PTPRT: variants seen among roughly 807,000 people sequenced by gnomAD.
PTPRT encodes the protein receptor-type tyrosine-protein phosphatase T.
A neutral mutation model predicts 176.8 loss-of-function variants in PTPRT; 56 were observed. The observed-to-expected ratio is 0.32, with a 90% CI of 0.26 to 0.40. PTPRT has a LOEUF of 0.40. Ranked by LOEUF, PTPRT falls within the 10% of genes least tolerant of loss-of-function variation. The probability of loss-of-function intolerance (pLI) is 1.00; values close to 1 mark genes in which losing one functional copy is unlikely to be tolerated. For synonymous variants in PTPRT, 783 were observed against 739.0 expected, an observed-to-expected ratio of 1.06 and a Z score of -0.96; for missense variants, 1,540 against 1,908.2, an observed-to-expected ratio of 0.81 and a Z score of 3.60.
intron 1 of PTPRT, among the ~76,000 whole-genome samples, chr20:43,154,371 T>C (rs774266269): frequency 1.2e-4 from 18 of 152,198 alleles, no homozygotes; most frequent in Non-Finnish European, 2.2e-4. Context: ...TCTCTTCCAT[T>C]GGTTTATGTG....
intron 7 of PTPRT, among the ~76,000 whole-genome samples, chr20:42,592,256 T>C (rs2073593432): frequency 6.6e-6 from 1 of 152,080 alleles, no homozygotes; most frequent in Non-Finnish European, 1.5e-5. Flanking sequence ...ATTACAGGCA[T>C]GAGCCACCGC....
intron 11 of PTPRT, among the ~76,000 whole-genome samples, chr20:42,316,501 C>T (rs551259517): frequency 1.3e-5 from 2 of 152,334 alleles, no homozygotes; most frequent in East Asian, 3.9e-4. Flanking sequence ...GTCTCTTTGC[C>T]TCTAAGGCAC....
intron 7 of PTPRT, among the ~76,000 whole-genome samples, chr20:42,574,631 C>T (rs2073223354): frequency 6.6e-6 from 1 of 151,854 alleles, no homozygotes; most frequent in Admixed American, 6.6e-5. Context: ...GGAGCAGGCT[C>T]GGGTGGACAG....
chr20:42,998,687 T>C (rs1193760740), intron 1 of PTPRT, among the ~76,000 whole-genome samples: 1 of 152,220 alleles, frequency 6.6e-6, no homozygotes, highest in Non-Finnish European at 1.5e-5. Context: ...CAATAAGCGA[T>C]TGCATCAACA....
intron 19 of PTPRT, among the ~76,000 whole-genome samples, chr20:42,127,417 T>TCA (rs958836373): frequency 3.7e-4 from 56 of 150,998 alleles, no homozygotes; most frequent in East Asian, 1.9e-4. Context: ...TCTCTCTCTC[T>TCA]CACACACACA....
At chr20:42,866,863 C>A (rs775572988) in intron 2 of PTPRT, among the ~76,000 whole-genome samples, 12 of 152,142 alleles carry the variant, frequency 7.9e-5, no homozygotes, top group Non-Finnish European at 1.6e-4. Flanking sequence ...CCTCATTTTT[C>A]TGAACTGTAA....
chr20:43,078,537 G>A (rs2011343644), intron 1 of PTPRT, among the ~76,000 whole-genome samples: 1 of 152,100 alleles, frequency 6.6e-6, no homozygotes, highest in Admixed American at 6.6e-5. Flanking sequence ...TGGTTTGATA[G>A]CTCCTGTTTC....
intron 7 of PTPRT, among the ~76,000 whole-genome samples, chr20:42,641,631 C>T (rs1252517912): frequency 6.6e-6 from 1 of 152,138 alleles, no homozygotes; most frequent in Non-Finnish European, 1.5e-5. Context: ...CAGATTAAGG[C>T]TGAATGTAAT....
Position 42,387,666 on chromosome 20 carries a change from T to C in PTPRT, c.1561-35381A>G, listed in dbSNP as rs543140694. Among the ~76,000 whole-genome samples the C allele has an allele frequency of 1.4e-4, 22 of 152,252 alleles. No individual in the cohort carries two copies. The East Asian group carries it at 3.5e-3, about 24-fold the overall frequency. ...TATAGGGCAAATTTTAGCTTCTTAA[T>C]TGGGGGAGATTTTGCCTTCCAAGGA... On this transcript the variant is annotated intron_variant, in intron 9 of 30. Coordinates refer to ENST00000373187, the MANE Select transcript of PTPRT (RefSeq NM_007050.6).
At chr20:42,827,034 A>G (rs1450932940) in intron 2 of PTPRT, among the ~76,000 whole-genome samples, 4 of 152,164 alleles carry the variant, frequency 2.6e-5, no homozygotes, top group African/African-American at 9.7e-5. Flanking sequence ...ATACACACCC[A>G]ACACAGGAGC....
intron 7 of PTPRT, among the ~76,000 whole-genome samples, chr20:42,576,285 T>C (rs1176917971): frequency 6.6e-6 from 1 of 152,178 alleles, no homozygotes; most frequent in Non-Finnish European, 1.5e-5. Context: ...CCTGATGTCA[T>C]GAGGCAGTGC....
chr20:42,134,957 A>C (rs1306393727), intron 18 of PTPRT, among the ~76,000 whole-genome samples: 1 of 152,104 alleles, frequency 6.6e-6, no homozygotes, highest in Non-Finnish European at 1.5e-5. Context: ...CACTGTGTTC[A>C]CTCTGACCAC....
In PTPRT at chr20:42,080,067, C is replaced by T. The variant is rs1018628005; in HGVS notation, c.*812G>A. 1 of 232,900 alleles carries T rather than the reference C, an allele frequency of 4.3e-6. No homozygotes were observed. The allele number at this position is 232,900 out of a possible 1,614,324, so 14.4% of individuals were successfully genotyped here. ...TACCACCAAAGAAACACAGGGGTTA[C>T]ATCCTACAGGTCAGCCCAAGCCCTG... On this transcript the variant is annotated 3_prime_UTR_variant, in exon 31 of 31. Transcript: ENST00000373187.
intron 11 of PTPRT, among the ~76,000 whole-genome samples, chr20:42,348,462 T>C (rs942089313): frequency 1.3e-5 from 2 of 152,066 alleles, no homozygotes; most frequent in Non-Finnish European, 2.9e-5. Context: ...GGAGGTGGTA[T>C]AGTATAGTAA....
intron 9 of PTPRT, among the ~76,000 whole-genome samples, chr20:42,405,172 G>A (rs1279223558): frequency 1.3e-5 from 2 of 150,014 alleles, no homozygotes; most frequent in Non-Finnish European, 1.5e-5. Flanking sequence ...AAGTGATTTC[G>A]CAGGCCACAT....
intron 1 of PTPRT, among the ~76,000 whole-genome samples, chr20:43,150,792 G>A (rs750374581): frequency 3.9e-5 from 6 of 152,118 alleles, no homozygotes; most frequent in South Asian, 2.1e-4. Flanking sequence ...AGCTCACTCC[G>A]CACTGGGGAG....
chr20:43,166,860 T>C (rs1415754759), intron 1 of PTPRT, among the ~76,000 whole-genome samples: 2 of 152,198 alleles, frequency 1.3e-5, no homozygotes, highest in Non-Finnish European at 2.9e-5. Flanking sequence ...GGTTTCTCCC[T>C]TCCCATCAAT....
intron 7 of PTPRT, among the ~76,000 whole-genome samples, chr20:42,642,510 A>T (rs2074781802): frequency 6.6e-6 from 1 of 152,162 alleles, no homozygotes; most frequent in South Asian, 2.1e-4. Context: ...AATAATGTGA[A>T]TCTGTAGAGT....
At chr20:42,688,169 GGAA>G (rs1360222550) in intron 6 of PTPRT, 8 of 152,222 alleles carry the variant, frequency 5.3e-5, no homozygotes, top group Admixed American at 1.3e-4. Context: ...GCTGGAAGAA[GGAA>G]GAAGATGCTC....
Sources: gnomAD v4.1 joint callset for allele counts (sites outside exome capture counted in the v4.1 genomes callset) on GRCh38, gnomAD v4.1.1 for gene constraint, MANE v1.5 for transcripts, NCBI Gene and HGNC (gene_info 2026-07-23, HGNC 2026-07-21) for gene names.